Variants in BPIFB2 observed in about 807,000 individuals in gnomAD.
BPIFB2 encodes BPI fold containing family B member 2.
BPIFB2 carries 39 observed loss-of-function variants against 50.1 expected under a neutral mutation model. The observed-to-expected ratio is 0.78, with a 90% CI of 0.60 to 1.02. The LOEUF is 1.02. BPIFB2 is among the 50% of genes least tolerant of loss of function. BPIFB2 has a pLI of 0.00. For missense variants in BPIFB2, 574 were observed against 585.8 expected (o/e 0.98, Z 0.21); for synonymous variants, 280 against 256.3 (o/e 1.09, Z -0.88).
At position 33,019,632 on chromosome 20, in the gene BPIFB2, G is replaced by T. The variant is rs911178548; in HGVS notation, c.962G>T (p.Gly321Val). The T allele has an allele frequency of 6.2e-7, 1 of 1,611,322 alleles. No homozygotes were observed. Among genetic ancestry groups the T allele is most frequent in the African/African-American group, 1.3e-5 (1 of 74,898 alleles). ...PMPVVLKVRL[G>V]ATPVAMLHTN... ...CCTGTGGTGCTCAAGGTGCGGCTGG[G>T]TGCCACACCTGTGGCCATGCTCCAC... The change falls in exon 11 of 16, where the codon GGT becomes GTT. Residue 321 changes from glycine (G) to valine (V), a missense_variant. Transcript: ENST00000170150.
rs770369291 is a variant in BPIFB2, at chr20:33,018,305, C to G, written c.624C>G (p.Val208=). Residue 208 remains valine (V), a synonymous_variant, in exon 8 of 16, where the codon GTC becomes GTG. Coordinates refer to ENST00000170150, the MANE Select transcript of BPIFB2 (RefSeq NM_025227.3). The part of the protein sequence containing the change: ...GPESQIRYSM[V]SVPTVTSDYI... ...AGTCCCAGATCCGCTATTCCATGGTCAGTGTGCCCACTGTCACCAGTGACT... is the reference window on the plus strand; with the variant it reads ...AGTCCCAGATCCGCTATTCCATGGTGAGTGTGCCCACTGTCACCAGTGACT... 2.5e-6 allele frequency: 4 copies of G among 1,614,122 alleles called. No individual in the cohort carries two copies. Among genetic ancestry groups the G allele is most frequent in the Non-Finnish European group, 3.4e-6 (4 of 1,179,992 alleles).
chr20:33,020,221 A>T, intron 11 of BPIFB2, 107 bp from the exon 12 acceptor site: 4 of 1,116,022 alleles, frequency 3.6e-6, no homozygotes, highest in Non-Finnish European at 5.3e-6. Flanking sequence ...CAGGGGCTCC[A>T]CAGACACCTG....
Position 33,023,648 on chromosome 20 carries a change from C to A in BPIFB2, c.*265C>A. ...CCACCCCAGCGGGGAGCAGACTGCT[C>A]CTCCAGGCTGTATAGACCTGCCCTC... On this transcript the variant is annotated 3_prime_UTR_variant, in exon 16 of 16. Transcript: ENST00000170150. 1 of 576,116 alleles carries A rather than the reference C, an allele frequency of 1.7e-6. No homozygotes were observed. The highest frequency in any genetic ancestry group is 3.1e-6 in the Non-Finnish European group (1 of 320,612). 35.7% of individuals were successfully genotyped at this position (576,116 alleles called of 1,614,324 possible). A position where few individuals can be genotyped will look rare whatever the true frequency, so the allele number is the denominator to read the frequency against.
At chr20:33,015,007 G>T (rs1016305714) in intron 5 of BPIFB2, among the ~76,000 whole-genome samples, 2 of 152,200 alleles carry the variant, frequency 1.3e-5, no homozygotes, top group African/African-American at 4.8e-5. Context: ...GAGGGGAAAC[G>T]GAGGCCCAGA....
chr20:33,008,469 C>A, intron 1 of BPIFB2, 72 bp from the exon 2 acceptor site: 2 of 839,010 alleles, frequency 2.4e-6, no homozygotes, highest in Non-Finnish European at 3.6e-6. Context: ...TCCCTCCAGG[C>A]TGGAGTGGGG....
chr20:33,012,338 A>C (rs953003035), intron 3 of BPIFB2, among the ~76,000 whole-genome samples: 6 of 152,206 alleles, frequency 3.9e-5, no homozygotes, highest in African/African-American at 1.4e-4. Context: ...ACAGTGCAGA[A>C]ATGACTTTCA....
At position 33,018,631 on chromosome 20, in the gene BPIFB2, C is replaced by G; in HGVS notation, c.670-6C>G. Reference sequence around the variant, plus strand: ...TTTCTCCCACTTCCCCCTCCCACCCCTACAGGCTGTTCTCTTCCTGCTGGG... The same window carrying G: ...TTTCTCCCACTTCCCCCTCCCACCCGTACAGGCTGTTCTCTTCCTGCTGGG... On this transcript the variant is annotated splice_region_variant and splice_polypyrimidine_tract_variant and intron_variant, in intron 8 of 15. Transcript: ENST00000170150. 6.2e-7 allele frequency: 1 copy of G among 1,607,244 alleles called. No homozygotes were observed. Among genetic ancestry groups the G allele is most frequent in the Non-Finnish European group, 8.5e-7 (1 of 1,176,504 alleles).
chr20:33,019,578 A>G lies in BPIFB2; in HGVS notation c.910-2A>G. 6.3e-6 allele frequency: 10 copies of G among 1,580,530 alleles called. No individual in the cohort carries two copies. The highest frequency in any genetic ancestry group is 8.6e-6 in the Non-Finnish European group (10 of 1,160,044). ...GGGCCTCCTCCGCCTCTGCCTCCCC[A>G]GGTGGCCCGCCAGTTTCCCGAGCCC... On this transcript the variant is annotated splice_acceptor_variant, in intron 10 of 15. Transcript: ENST00000170150. LOFTEE classifies it high-confidence loss of function.
chr20:33,018,807 C>A lies in BPIFB2; in HGVS notation c.840C>A (p.Asp280Glu). 1 of 1,611,864 alleles carries A rather than the reference C, an allele frequency of 6.2e-7. No homozygotes were observed. Among genetic ancestry groups the A allele is most frequent in the Admixed American group, 1.7e-5 (1 of 59,858 alleles). Residue 280 changes from aspartate to glutamate, a missense_variant, in exon 9 of 16, where the codon GAC becomes GAA. Coordinates refer to ENST00000170150, the MANE Select transcript of BPIFB2 (RefSeq NM_025227.3). ...AGAAGGCCGGTGCCCTCAACCTGGA[C>A]ATCACAGGGCAGCTGGTGAGGGCCC... is the stretch of plus-strand genomic sequence containing the variant. ...LLQKAGALNL[D>E]ITGQLRSDDN...
intron 3 of BPIFB2, among the ~76,000 whole-genome samples, chr20:33,011,601 G>C (rs931412273): frequency 6.6e-6 from 1 of 152,182 alleles, no homozygotes; most frequent in Admixed American, 6.5e-5. Context: ...AGGAACTAGG[G>C]CTCACTACTG....
chr20:33,014,658 C>G (rs1990334777), intron 5 of BPIFB2, among the ~76,000 whole-genome samples: 1 of 152,208 alleles, frequency 6.6e-6, no homozygotes, highest in Non-Finnish European at 1.5e-5. Flanking sequence ...GTGAGCGGGG[C>G]TTGCTGAGGT....
chr20:33,015,367 C>T lies in BPIFB2; in HGVS notation c.456-69C>T, dbSNP rs141591652. 6.7e-5 allele frequency: 96 copies of T among 1,422,610 alleles called. No homozygotes were observed. The African/African-American group carries it at 1.0e-3, about 15-fold the overall frequency. The allele number at this position is 1,422,610 out of a possible 1,614,324, so 88.1% of individuals were successfully genotyped here. A position where few individuals can be genotyped will look rare whatever the true frequency, so the allele number is the denominator to read the frequency against. Reference sequence around the variant, plus strand: ...ATAGAGACTTCTCTTCCCAGACGTGCGACTGTGCTGAGTGACGGGACTTAA... The same window carrying T: ...ATAGAGACTTCTCTTCCCAGACGTGTGACTGTGCTGAGTGACGGGACTTAA... On this transcript the variant is annotated intron_variant, in intron 5 of 15. Coordinates refer to ENST00000170150, the MANE Select transcript of BPIFB2 (RefSeq NM_025227.3).
chr20:33,017,038 A>G lies in BPIFB2; in HGVS notation c.517-4A>G. On this transcript the variant is annotated splice_polypyrimidine_tract_variant and splice_region_variant and intron_variant, in intron 6 of 15. Coordinates refer to ENST00000170150, the MANE Select transcript of BPIFB2 (RefSeq NM_025227.3). ...CCAGCCTCCTTCTCTCTGTCTTACC[A>G]CAGCTGTGCCTGAGCATCTCCAACC... The G allele has an allele frequency of 6.2e-7, 1 of 1,613,836 alleles. No individual in the cohort carries two copies. Among genetic ancestry groups the G allele is most frequent in the South Asian group, 1.1e-5 (1 of 91,058 alleles).
At chr20:33,012,779 G>C (rs1332017082) in intron 3 of BPIFB2, 24 bp from the exon 4 acceptor site, 8 of 1,580,884 alleles carry the variant, frequency 5.1e-6, no homozygotes, top group Non-Finnish European at 7.0e-6. Context: ...GGGCCACTCT[G>C]TCACCTTGAT....
Position 33,019,683 on chromosome 20 carries a change from A to G in BPIFB2, c.1013A>G (p.Gln338Arg). 6.2e-7 allele frequency: 1 copy of G among 1,612,692 alleles called. No individual in the cohort carries two copies. Among genetic ancestry groups the G allele is most frequent in the Non-Finnish European group, 8.5e-7 (1 of 1,179,480 alleles). The part of the protein sequence containing the change: ...LHTNNATLRL[Q>R]PFVEVLATAS... ...ACAAACAACGCCACCCTGCGGCTGC[A>G]GCCCTTCGTGGAGGTCCTGGCCACA... is the stretch of plus-strand genomic sequence containing the variant. The change falls in exon 11 of 16, where the codon CAG becomes CGG. Residue 338 changes from glutamine (Q) to arginine (R), a missense_variant. Gln to Arg is a conservative substitution (Grantham distance 43). Transcript: ENST00000170150.
Position 33,012,931 on chromosome 20 carries a change from G to T in BPIFB2, c.308+24G>T, listed in dbSNP as rs752313736. 1.6e-5 allele frequency: 25 copies of T among 1,578,654 alleles called. No homozygotes were observed. In the African/African-American group the frequency reaches 3.2e-4, roughly 20 times the overall value. On this transcript the variant is annotated intron_variant, in intron 4 of 15. Coordinates refer to ENST00000170150, the MANE Select transcript of BPIFB2 (RefSeq NM_025227.3). ...CGGTGAGCGGATCTCCTTGTTAGGG[G>T]GTGAGAAGGGTTTTGGGGATGCTCC...
In BPIFB2 at chr20:33,013,851, T is replaced by C; in HGVS notation, c.350T>C (p.Leu117Pro). 6.2e-7 allele frequency: 1 copy of C among 1,613,874 alleles called. No individual in the cohort carries two copies. Among genetic ancestry groups the C allele is most frequent in the Non-Finnish European group, 8.5e-7 (1 of 1,179,940 alleles). Residue 117 changes from leucine to proline, a missense_variant, in exon 5 of 16, where the codon CTG becomes CCG. Transcript: ENST00000170150. ...PLELTLPVEL[L>P]ADTRVTQSSI... is the part of the protein sequence containing the mutation. ...GAGCTGACGCTGCCTGTGGAACTGC[T>C]GGCTGACACCCGCGTGACCCAGAGC...
chr20:33,021,394 C>G (rs1475305946), intron 14 of BPIFB2, 50 bp downstream of exon 14: 2 of 1,555,000 alleles, frequency 1.3e-6, no homozygotes, highest in Admixed American at 1.8e-5. Flanking sequence ...CCCTCCATAT[C>G]CCACATCTGC....
chr20:33,018,789 C>T lies in BPIFB2; in HGVS notation c.822C>T (p.Ala274=), dbSNP rs764753701. ...CTGCGCTCCTGCTGCTGCAGAAGGC[C>T]GGTGCCCTCAACCTGGACATCACAG... ...FDSALLLLQK[A]GALNLDITGQ... The change falls in exon 9 of 16, where the codon GCC becomes GCT. Residue 274 remains alanine, a synonymous_variant. Transcript: ENST00000170150. The T allele has an allele frequency of 1.3e-5, 21 of 1,613,558 alleles. No individual in the cohort carries two copies. Among genetic ancestry groups the T allele is most frequent in the South Asian group, 3.3e-5 (3 of 90,944 alleles).
Sources: gnomAD v4.1 joint callset for allele counts (sites outside exome capture counted in the v4.1 genomes callset) on GRCh38, gnomAD v4.1.1 for gene constraint, MANE v1.5 for transcripts, NCBI Gene and HGNC (gene_info 2026-07-23, HGNC 2026-07-21) for gene names.